The following ZNF454 variants were observed in gnomAD, a reference collection of about 807,000 sequenced individuals.
ZNF454 encodes the protein zinc finger protein 454.
ZNF454 carries 30 observed loss-of-function variants against 48.2 expected under a neutral mutation model. That is an observed-to-expected ratio of 0.62 (90% confidence interval 0.47 to 0.84). The LOEUF is 0.84. Ranked by LOEUF, ZNF454 falls within the 40% of genes least tolerant of loss-of-function variation. The pLI is 0.00. For synonymous variants in ZNF454, 204 were observed against 211.4 expected (o/e 0.97, Z 0.30); for missense variants, 510 against 623.1 (o/e 0.82, Z 1.93).
intron 4 of ZNF454, among the ~76,000 whole-genome samples, chr5:178,959,009 T>G (rs1759889864): frequency 8.8e-6 from 1 of 113,418 alleles, no homozygotes; most frequent in South Asian, 3.7e-4. Context: ...ATACCTGAAT[T>G]CATCAGAGGT....
At chr5:178,969,515 T>C (rs1326305317), downstream of ZNF454, 1 of 456,990 alleles carries the variant, frequency 2.2e-6, no homozygotes, top group East Asian at 7.0e-5. Context: ...AGGACCACGA[T>C]TTGGGACTCT....
downstream of ZNF454, among the ~76,000 whole-genome samples, chr5:178,968,105 TCACACACACACACACA>T (rs3031585): frequency 2.1e-3 from 298 of 145,086 alleles, 1 homozygote; most frequent in Middle Eastern, 0.017. Context: ...CATCTGTGCA[TCACACACACACACACA>T]CACACACACA....
rs1244931517 is a variant in ZNF454 at position 178,964,969 on chromosome 5, A to G, written c.565A>G (p.Lys189Glu). ...ECSECGKVFS[K>E]SSTLNKHQKI... ...TAGTGAGTGTGGAAAAGTCTTCTCT[A>G]AGAGTTCAACTCTTAATAAACATCA... is the stretch of plus-strand genomic sequence containing the variant. The change falls in exon 5 of 5, where the codon AAG becomes GAG. Residue 189 changes from lysine (K) to glutamate (E), a missense_variant. Transcript: ENST00000519564. 1 of 1,614,124 alleles carries G rather than the reference A, an allele frequency of 6.2e-7. No individual in the cohort carries two copies. The highest frequency in any genetic ancestry group is 8.5e-7 in the Non-Finnish European group (1 of 1,180,042).
chr5:178,953,532 GT>G (rs1241699001), intron 4 of ZNF454, among the ~76,000 whole-genome samples: 2 of 152,066 alleles, frequency 1.3e-5, no homozygotes, highest in Non-Finnish European at 2.9e-5. Flanking sequence ...TCACTACGCT[GT>G]TCACTGTGTC....
At chr5:178,983,471 C>G in the ZNF454 span, 1 of 679,728 alleles carries the variant, frequency 1.5e-6, no homozygotes, top group African/African-American at 1.8e-5. Context: ...CTGTGCCGCC[C>G]GTATATGTTG....
Position 178,946,524 on chromosome 5 carries a change from G to T in ZNF454, c.160+39G>T, listed in dbSNP as rs780382228. 23 of 1,568,324 alleles carry T rather than the reference G, an allele frequency of 1.5e-5. No homozygotes were observed. Among genetic ancestry groups the T allele is most frequent in the Non-Finnish European group, 1.9e-5 (22 of 1,162,054 alleles). ...CTGCAAGGTTTCTCTTCACTTTTGG[G>T]GATCTCTTTGGGACCCTTACATTGA... is the stretch of plus-strand genomic sequence containing the variant. On this transcript the variant is annotated intron_variant, in intron 3 of 4. Transcript: ENST00000519564. The surrounding 1 kb of genome is among the most constrained non-coding windows in gnomAD (Gnocchi z 4.5).
chr5:178,989,064 A>T, the ZNF454 span: 4 of 1,613,946 alleles, frequency 2.5e-6, no homozygotes, highest in Non-Finnish European at 3.4e-6. Flanking sequence ...GCAATGGCGT[A>T]CACCGCATCA....
chr5:178,986,052 G>C, the ZNF454 span: 1 of 1,362,702 alleles, frequency 7.3e-7, no homozygotes, highest in Non-Finnish European at 1.0e-6. Context: ...GTGTGCCACT[G>C]TGCCTGGCCC....
Position 178,947,186 on chromosome 5 carries a change from G to T in ZNF454, c.250+200G>T, listed in dbSNP as rs1003210723. On this transcript the variant is annotated intron_variant, in intron 4 of 4. Coordinates refer to ENST00000519564, the MANE Select transcript of ZNF454 (RefSeq NM_001178089.3). ...CATGTAGCAGGCCTGGACCCTCCCCGCAATGATTTTTCTTCTCTCCCTGTT... is the reference window on the plus strand; with the variant it reads ...CATGTAGCAGGCCTGGACCCTCCCCTCAATGATTTTTCTTCTCTCCCTGTT... Among the ~76,000 whole-genome samples the T allele has an allele frequency of 4.6e-5, 7 of 152,120 alleles. No homozygotes were observed. In the East Asian group the frequency reaches 9.6e-4, roughly 21 times the overall value.
rs759695671 is a variant in ZNF454 at position 178,942,835 on chromosome 5, GT to G, written c.33+14del. The G allele has an allele frequency of 4.0e-5, 64 of 1,611,136 alleles. No homozygotes were observed. The South Asian group carries it at 7.0e-4, about 18-fold the overall frequency. On this transcript the variant is annotated intron_variant, in intron 2 of 4. Coordinates refer to ENST00000519564, the MANE Select transcript of ZNF454 (RefSeq NM_001178089.3). ...CCAACCATGGTCCAGGTGAGTGGGG[GT>G]TTCTTCCCCCTAAATTGCTTTCTGG...
intron 4 of ZNF454, among the ~76,000 whole-genome samples, chr5:178,959,413 G>A (rs1242284176): frequency 2.0e-5 from 3 of 151,916 alleles, no homozygotes; most frequent in African/African-American, 4.8e-5. Context: ...TAGATTACTC[G>A]AGCATTATAA....
intron 4 of ZNF454, among the ~76,000 whole-genome samples, chr5:178,954,490 T>C (rs1232143959): frequency 6.6e-6 from 1 of 152,198 alleles, no homozygotes; most frequent in Non-Finnish European, 1.5e-5. Context: ...TGTATGTGCT[T>C]TTTGACAGGT....
At chr5:178,971,114 T>G (rs1760227635), downstream of ZNF454, among the ~76,000 whole-genome samples, 1 of 152,224 alleles carries the variant, frequency 6.6e-6, no homozygotes, top group Non-Finnish European at 1.5e-5. Flanking sequence ...TGTTTTGTAT[T>G]GTTATGAGGT....
In ZNF454 at chr5:178,965,560, T is replaced by C; in HGVS notation, c.1156T>C (p.Cys386Arg). ...TCATACTGGAGAGAAACCTTATAAA[T>C]GTAATGAATGTGGGAAAGCTTTCAG... ...RIHTGEKPYK[C>R]NECGKAFRDN... is the part of the protein sequence containing the mutation. The change falls in exon 5 of 5, where the codon TGT (cysteine) becomes CGT (arginine). Residue 386 changes from cysteine (C) to arginine (R), a missense_variant. Physicochemically the swap from Cys to Arg is radical, Grantham distance 180. Coordinates refer to ENST00000519564, the MANE Select transcript of ZNF454 (RefSeq NM_001178089.3). The surrounding 1 kb of genome is among the most constrained non-coding windows in gnomAD (Gnocchi z 5.2). 1 of 1,614,150 alleles carries C rather than the reference T, an allele frequency of 6.2e-7. No homozygotes were observed. Among genetic ancestry groups the C allele is most frequent in the East Asian group, 2.2e-5 (1 of 44,870 alleles).
the ZNF454 span, chr5:178,977,392 G>A: frequency 3.5e-5 from 16 of 455,682 alleles, no homozygotes; most frequent in Non-Finnish European, 7.1e-5. Flanking sequence ...GAACAAGCAG[G>A]CAGCCCTCAC....
At position 178,941,392 on chromosome 5, in the gene ZNF454, G is replaced by T. The variant is rs1259226384; in HGVS notation, c.-160G>T. 4.4e-6 allele frequency: 2 copies of T among 456,570 alleles called. No individual in the cohort carries two copies. The highest frequency in any genetic ancestry group is 2.0e-5 in the African/African-American group (1 of 50,074). 28.3% of individuals were successfully genotyped at this position (456,570 alleles called of 1,614,324 possible). Reference sequence around the variant, plus strand: ...GCGGAGGCAAAGCCGAGGAGGTGCGGGTTGTGGTCCATTCTGGAGGACGCT... The same window carrying T: ...GCGGAGGCAAAGCCGAGGAGGTGCGTGTTGTGGTCCATTCTGGAGGACGCT... On this transcript the variant is annotated 5_prime_UTR_variant, in exon 1 of 5. Coordinates refer to ENST00000519564, the MANE Select transcript of ZNF454 (RefSeq NM_001178089.3). This position sits in a 1 kb window ranked among gnomAD's most constrained non-coding sequence, Gnocchi z 5.5.
intron 4 of ZNF454, among the ~76,000 whole-genome samples, chr5:178,961,167 G>A (rs550469466): frequency 6.6e-6 from 1 of 151,618 alleles, no homozygotes; most frequent in African/African-American, 2.4e-5. Flanking sequence ...TTGACCTCGT[G>A]ATCTGTCCGC....
chr5:178,945,367 GTGTC>G (rs1759282961), intron 2 of ZNF454, among the ~76,000 whole-genome samples: 1 of 151,518 alleles, frequency 6.6e-6, no homozygotes, highest in South Asian at 2.1e-4. Flanking sequence ...TTGTGTGTGT[GTGTC>G]TCTGTGTCTG....
At chr5:178,977,462 G>T in the ZNF454 span, 1 of 455,770 alleles carries the variant, frequency 2.2e-6, no homozygotes, top group Admixed American at 2.4e-5. Context: ...AGAAATGTCT[G>T]TTTTTTAGAA....
Sources: allele counts gnomAD v4.1 joint callset (sites outside exome capture counted in the v4.1 genomes callset), GRCh38; gene constraint gnomAD v4.1.1; non-coding constraint Gnocchi (gnomAD v3.1); transcripts MANE v1.5; gene names NCBI Gene and HGNC (gene_info 2026-07-23, HGNC 2026-07-21).